Variants in CNBD1 observed in about 807,000 individuals in gnomAD.
CNBD1 encodes the protein cyclic nucleotide-binding domain-containing protein 1.
A neutral mutation model predicts 54.4 loss-of-function variants in CNBD1; 71 were observed. The observed-to-expected ratio is 1.30, with a 90% CI of 1.08 to 1.59. The LOEUF is 1.59. Ranked by LOEUF, CNBD1 falls within the 40% of genes most tolerant of loss-of-function variation. The pLI is 0.00. For missense variants in CNBD1, 659 were observed against 518.0 expected (o/e 1.27, Z -2.64); for synonymous variants, 182 against 170.7 (o/e 1.07, Z -0.51).
intron 8 of CNBD1, among the ~76,000 whole-genome samples, chr8:87,307,552 A>G (rs138049482): frequency 1.8e-3 from 269 of 152,232 alleles, no homozygotes; most frequent in African/African-American, 5.8e-3. Flanking sequence ...AGCCTGGACA[A>G]CATGGCGAAG....
At chr8:86,962,763 G>A (rs1006407863) in intron 4 of CNBD1, among the ~76,000 whole-genome samples, 2 of 151,704 alleles carry the variant, frequency 1.3e-5, no homozygotes, top group African/African-American at 4.8e-5. Context: ...TCCAGCCTGG[G>A]CAACAGAGCA....
intron 5 of CNBD1, among the ~76,000 whole-genome samples, chr8:87,206,884 A>T (rs529651613): frequency 6.6e-6 from 1 of 152,328 alleles, no homozygotes; most frequent in African/African-American, 2.4e-5. Context: ...CTTGCTTAGA[A>T]TCGAGTTTCA....
intron 4 of CNBD1, among the ~76,000 whole-genome samples, chr8:87,183,624 G>C (rs1813410800): frequency 6.6e-6 from 1 of 152,126 alleles, no homozygotes; most frequent in Non-Finnish European, 1.5e-5. Context: ...AGAGTTGCCA[G>C]AATTCTTGTA....
chr8:87,228,594 C>T (rs1011692862), intron 5 of CNBD1, among the ~76,000 whole-genome samples: 2 of 151,036 alleles, frequency 1.3e-5, no homozygotes, highest in Admixed American at 6.6e-5. Flanking sequence ...GGCAGTCCGC[C>T]CGTTCTCAGA....
chr8:87,251,025 GA>G (rs34958755), intron 6 of CNBD1, among the ~76,000 whole-genome samples: 55,277 of 151,778 alleles, frequency 0.36, 11,365 homozygotes, highest in Non-Finnish European at 0.47. Context: ...TGAGGTGATA[GA>G]TACCCCAATT....
chr8:87,104,919 G>T (rs1261880580), intron 4 of CNBD1, among the ~76,000 whole-genome samples: 1 of 152,084 alleles, frequency 6.6e-6, no homozygotes, highest in Non-Finnish European at 1.5e-5. Context: ...CAACTTAAAG[G>T]TGTGATGCAA....
In CNBD1 at chr8:87,143,621, TA is replaced by T. The variant is rs566822039; in HGVS notation, c.432-62368del. On this transcript the variant is annotated intron_variant, in intron 4 of 10. Transcript: ENST00000518476. Reference sequence around the variant, plus strand: ...CTGATGAATATACTTATTTGTCTTATAAAATTTATACTTATTATTAAGGAAT... The same window carrying T: ...CTGATGAATATACTTATTTGTCTTATAAATTTATACTTATTATTAAGGAAT... 1.6e-3 allele frequency among the ~76,000 whole-genome samples: 243 copies of T among 152,322 alleles called. 1 individual carries two copies. The highest frequency in any genetic ancestry group is 5.7e-3 in the African/African-American group (236 of 41,578).
chr8:87,121,333 A>T (rs1319026744), intron 4 of CNBD1, among the ~76,000 whole-genome samples: 2 of 151,766 alleles, frequency 1.3e-5, no homozygotes. Flanking sequence ...AAATTGTATT[A>T]GGAAATAAGA....
At chr8:86,872,740 G>A (rs1808459239) in intron 1 of CNBD1, among the ~76,000 whole-genome samples, 1 of 152,036 alleles carries the variant, frequency 6.6e-6, no homozygotes, top group Non-Finnish European at 1.5e-5. Flanking sequence ...TGTCTGTTCA[G>A]GCCCTTTGCC....
intron 4 of CNBD1, among the ~76,000 whole-genome samples, chr8:86,960,337 T>A (rs946163170): frequency 2.0e-5 from 3 of 152,126 alleles, no homozygotes; most frequent in Non-Finnish European, 4.4e-5. Flanking sequence ...GGAGATTATA[T>A]CCCGCTCCTG....
At chr8:86,968,269 G>A (rs921723370) in intron 4 of CNBD1, among the ~76,000 whole-genome samples, 2 of 152,102 alleles carry the variant, frequency 1.3e-5, no homozygotes, top group Non-Finnish European at 2.9e-5. Flanking sequence ...CCGGTTGGAA[G>A]CTTGAAAGGA....
At chr8:87,144,217 A>G (rs1812435289) in intron 4 of CNBD1, among the ~76,000 whole-genome samples, 2 of 152,198 alleles carry the variant, frequency 1.3e-5, no homozygotes, top group Admixed American at 1.3e-4. Flanking sequence ...TTCTAAAACC[A>G]GAAAGGGCAA....
At chr8:87,057,602 A>G (rs1473432959) in intron 4 of CNBD1, among the ~76,000 whole-genome samples, 1 of 152,122 alleles carries the variant, frequency 6.6e-6, no homozygotes, top group Admixed American at 6.6e-5. Context: ...TAATCCCAAC[A>G]CTTTGGGAGG....
intron 4 of CNBD1, among the ~76,000 whole-genome samples, chr8:87,192,402 A>G (rs1254378648): frequency 6.6e-6 from 1 of 152,216 alleles, no homozygotes; most frequent in Non-Finnish European, 1.5e-5. Flanking sequence ...ATAACTCAAA[A>G]TAAGTGGAAA....
At chr8:87,184,401 C>A (rs755866657) in intron 4 of CNBD1, among the ~76,000 whole-genome samples, 3 of 152,126 alleles carry the variant, frequency 2.0e-5, no homozygotes, top group African/African-American at 4.8e-5. Context: ...TGCTAATAAA[C>A]GCTAAAGCCA....
chr8:87,414,935 G>C (rs1391384828), intron 2 of CNBD1, among the ~76,000 whole-genome samples: 5 of 151,978 alleles, frequency 3.3e-5, no homozygotes, highest in Non-Finnish European at 5.9e-5. Context: ...GTCTGACCTG[G>C]AACTGTTATT....
chr8:87,416,344 T>C (rs1807833293), intron 2 of CNBD1, among the ~76,000 whole-genome samples: 1 of 152,062 alleles, frequency 6.6e-6, no homozygotes, highest in Non-Finnish European at 1.5e-5. Context: ...TTCAGTTATT[T>C]GCAAATTAAC....
At chr8:86,915,081 A>G (rs989392638) in intron 3 of CNBD1, among the ~76,000 whole-genome samples, 4 of 152,082 alleles carry the variant, frequency 2.6e-5, no homozygotes, top group African/African-American at 9.7e-5. Context: ...TTTGGGGGCT[A>G]GGGTTTCTCA....
At position 87,425,141 on chromosome 8, in the gene CNBD1, G is replaced by C. The variant is rs555335898; in HGVS notation, c.214-3405G>C. 1.6e-4 allele frequency among the ~76,000 whole-genome samples: 25 copies of C among 151,902 alleles called. No homozygotes were observed. The East Asian group carries it at 3.1e-3, about 19-fold the overall frequency. Reference sequence around the variant, plus strand: ...CTCCTGAGGCTTCTGCATTCTTCACGTAGTTCTCGGGCCTTGGTTTTCAGC... The same window carrying C: ...CTCCTGAGGCTTCTGCATTCTTCACCTAGTTCTCGGGCCTTGGTTTTCAGC... On this transcript the variant is annotated intron_variant, in intron 2 of 7. Coordinates refer to the CNBD1 transcript ENST00000521593.
Sources: allele counts gnomAD v4.1 joint callset (sites outside exome capture counted in the v4.1 genomes callset), GRCh38; gene constraint gnomAD v4.1.1; transcripts MANE v1.5; gene names NCBI Gene and HGNC (gene_info 2026-07-23, HGNC 2026-07-21).